The following IL1RN variants were observed in gnomAD, a reference collection of about 807,000 sequenced individuals.
IL1RN encodes the protein interleukin 1 receptor antagonist.
Under a neutral mutation model 13.7 loss-of-function variants are expected in IL1RN, and 10 were observed. The observed-to-expected ratio is 0.73, with a 90% CI of 0.45 to 1.24. IL1RN has a LOEUF of 1.24. Ranked by LOEUF, IL1RN falls within the 50% of genes most tolerant of loss-of-function variation. IL1RN has a pLI of 0.00. For missense variants in IL1RN, 213 were observed against 222.1 expected, an observed-to-expected ratio of 0.96 and a Z score of 0.26; for synonymous variants, 102 against 82.7, an observed-to-expected ratio of 1.23 and a Z score of -1.27.
chr2:113,121,830 G>A (rs1203263845), intron 2 of IL1RN, among the ~76,000 whole-genome samples: 1 of 152,216 alleles, frequency 6.6e-6, no homozygotes, highest in Non-Finnish European at 1.5e-5. Context: ...CTTCTAATAA[G>A]TTGATGGATT....
At chr2:113,124,922 C>T (rs1033243672), upstream of IL1RN, among the ~76,000 whole-genome samples, 4 of 152,110 alleles carry the variant, frequency 2.6e-5, no homozygotes, top group African/African-American at 9.7e-5. Flanking sequence ...GAGCCCCGAG[C>T]GTCTTTTCTC....
At chr2:113,126,493 T>A (rs1686965394), upstream of IL1RN, among the ~76,000 whole-genome samples, 2 of 152,210 alleles carry the variant, frequency 1.3e-5, no homozygotes, top group African/African-American at 4.8e-5. Context: ...ACCAGCACTG[T>A]CCATCCTGTA....
chr2:113,127,027 C>G (rs1686985605), upstream of IL1RN, among the ~76,000 whole-genome samples: 1 of 152,218 alleles, frequency 6.6e-6, no homozygotes, highest in Non-Finnish European at 1.5e-5. Context: ...TGGAACACAG[C>G]TAGGCTTATT....
chr2:113,117,979 G>A (rs1206316008), exon 1 of IL1RN: 1 of 1,217,908 alleles, frequency 8.2e-7, no homozygotes, highest in Admixed American at 1.7e-5. Context: ...TTAGAGTCTG[G>A]AAGACCTCAG....
upstream of IL1RN, among the ~76,000 whole-genome samples, chr2:113,102,478 C>T (rs992195352): frequency 2.0e-5 from 3 of 152,140 alleles, no homozygotes; most frequent in Non-Finnish European, 4.4e-5. Context: ...ACAAGCAGCT[C>T]TAATTGGGGA....
At chr2:113,128,691 G>T (rs946876489) in intron 1 of IL1RN, among the ~76,000 whole-genome samples, 2 of 152,162 alleles carry the variant, frequency 1.3e-5, no homozygotes, top group Non-Finnish European at 1.5e-5. Context: ...ACTTTGGTTT[G>T]CCTGGCCACC....
At chr2:113,127,861 A>C in intron 1 of IL1RN, 121 bp downstream of exon 1, 1 of 900,614 alleles carries the variant, frequency 1.1e-6, no homozygotes, top group Non-Finnish European at 1.8e-6. Flanking sequence ...GCTGGAGAGG[A>C]TGTCCATTAT....
At chr2:113,118,140 G>T in intron 1 of IL1RN, 1 of 1,556,840 alleles carries the variant, frequency 6.4e-7, no homozygotes, top group Non-Finnish European at 8.8e-7. Flanking sequence ...CCAGGAAAAT[G>T]TCAAGCGCAT....
upstream of IL1RN, chr2:113,115,472 C>T (rs1053966013): frequency 6.6e-6 from 1 of 152,246 alleles, no homozygotes; most frequent in African/African-American, 2.4e-5. Flanking sequence ...TTCCTTCTAC[C>T]CTTCCCCTAC....
chr2:113,110,526 G>A (rs550464320), upstream of IL1RN, among the ~76,000 whole-genome samples: 13 of 152,240 alleles, frequency 8.5e-5, no homozygotes, highest in Middle Eastern at 3.4e-3. Flanking sequence ...ATGCTGGCCA[G>A]CCTCTGTAGC....
chr2:113,121,090 TTCTTCC>T lies in IL1RN; in HGVS notation c.73+980_73+985del, dbSNP rs1224833152. Among the ~76,000 whole-genome samples, 372 of 115,196 alleles carry T rather than the reference TTCTTCC, an allele frequency of 3.2e-3. 1 individual carries two copies. Among genetic ancestry groups the T allele is most frequent in the African/African-American group, 0.01 (278 of 27,470 alleles). 75.6% of individuals were successfully genotyped at this position (115,196 alleles called of 152,430 possible). ...CCTCCTCCTCCTCTTCTTCTTCTTC[TTCTTCC>T]TCTTCCTCTTCCTCTTCTTCCTCTT... is the stretch of plus-strand genomic sequence containing the variant. On this transcript the variant is annotated intron_variant, in intron 2 of 5. Transcript: ENST00000259206.
chr2:113,116,832 G>A (rs1027258122), upstream of IL1RN, among the ~76,000 whole-genome samples: 44 of 152,210 alleles, frequency 2.9e-4, no homozygotes, highest in African/African-American at 1.0e-3. Flanking sequence ...AGCATTTTAT[G>A]TACTGCGTGT....
upstream of IL1RN, chr2:113,117,716 G>C: frequency 1.8e-6 from 1 of 549,192 alleles, no homozygotes; most frequent in Non-Finnish European, 3.3e-6. Flanking sequence ...CCCATCTTAC[G>C]CAGATAAGAA....
rs753494695 is a variant in IL1RN, at chr2:113,127,750, C to T, written c.116+10C>T. 1 of 1,612,634 alleles carries T rather than the reference C, an allele frequency of 6.2e-7. No individual in the cohort carries two copies. Among genetic ancestry groups the T allele is most frequent in the Non-Finnish European group, 8.5e-7 (1 of 1,179,222 alleles). On this transcript the variant is annotated intron_variant, in intron 1 of 3. Coordinates refer to ENST00000409930, the MANE Select transcript of IL1RN (RefSeq NM_173842.3). ...AGATGCAAGCCTTCAGGTAAGGCTACCCCAAGGAGGAGAAGGTGAGGGTGG... is the reference window on the plus strand; with the variant it reads ...AGATGCAAGCCTTCAGGTAAGGCTATCCCAAGGAGGAGAAGGTGAGGGTGG...
At chr2:113,107,155 A>C (rs1686398341), upstream of IL1RN, 1 of 152,234 alleles carries the variant, frequency 6.6e-6, no homozygotes, top group Non-Finnish European at 1.5e-5. Flanking sequence ...AGAGTGCACC[A>C]ATATTGAGGA....
chr2:113,117,798 G>T, upstream of IL1RN: 1 of 615,030 alleles, frequency 1.6e-6, no homozygotes, highest in Non-Finnish European at 2.9e-6. Flanking sequence ...TCAGCCATCA[G>T]CCGGCCCATC....
At chr2:113,108,441 G>A (rs1397842637), upstream of IL1RN, among the ~76,000 whole-genome samples, 2 of 145,718 alleles carry the variant, frequency 1.4e-5, no homozygotes, top group African/African-American at 5.4e-5. Flanking sequence ...CCCAGTGTGC[G>A]ATGTTCCCCT....
chr2:113,124,365 C>T (rs927017789), upstream of IL1RN, among the ~76,000 whole-genome samples: 5 of 152,060 alleles, frequency 3.3e-5, no homozygotes, highest in African/African-American at 1.2e-4. Flanking sequence ...GGACTTGTGG[C>T]CAGAAGCGTG....
At chr2:113,101,640 T>C in the IL1RN span, among the ~76,000 whole-genome samples, 1 of 152,206 alleles carries the variant, frequency 6.6e-6, no homozygotes, top group Non-Finnish European at 1.5e-5. Context: ...ATTTTCTAAT[T>C]TAATTTAGCT....
Sources: gnomAD v4.1 joint callset for allele counts (sites outside exome capture counted in the v4.1 genomes callset) on GRCh38, gnomAD v4.1.1 for gene constraint, MANE v1.5 for transcripts, NCBI Gene and HGNC (gene_info 2026-07-23, HGNC 2026-07-21) for gene names.